STXBP5L: variants seen among roughly 807,000 people sequenced by gnomAD.
The protein encoded by STXBP5L is syntaxin binding protein 5L, also known as syntaxin-binding protein 5-like.
In STXBP5L, 65 loss-of-function variants were observed where a neutral mutation model predicts 144.5. The observed-to-expected ratio is 0.45, with a 90% CI of 0.37 to 0.55. The LOEUF (loss-of-function observed/expected upper bound fraction) is 0.55, where lower values mean the gene tolerates loss of function less well. STXBP5L is among the 20% of genes least tolerant of loss of function. The pLI is 0.00. For synonymous variants in STXBP5L, 505 were observed against 469.6 expected (o/e 1.08, Z -0.97); for missense variants, 1,298 against 1,405.5 (o/e 0.92, Z 1.22).
At chr3:121,383,304 T>G (rs2046359633) in intron 22 of STXBP5L, among the ~76,000 whole-genome samples, 1 of 151,708 alleles carries the variant, frequency 6.6e-6, no homozygotes, top group African/African-American at 2.4e-5. Flanking sequence ...CCAGGCATGG[T>G]GTGTGTGTGC....
intron 5 of STXBP5L, among the ~76,000 whole-genome samples, chr3:121,076,354 G>T (rs539320413): frequency 6.6e-6 from 1 of 152,230 alleles, no homozygotes; most frequent in East Asian, 1.9e-4. Flanking sequence ...GTGCATAGGG[G>T]GGTGGACTTT....
intron 18 of STXBP5L, among the ~76,000 whole-genome samples, chr3:121,273,139 A>G (rs2050778162): frequency 6.6e-6 from 1 of 152,098 alleles, no homozygotes; most frequent in Non-Finnish European, 1.5e-5. Context: ...GTTACTAATT[A>G]ACACCCTTCC....
At chr3:120,968,498 G>C (rs1212693884) in intron 3 of STXBP5L, among the ~76,000 whole-genome samples, 1 of 152,022 alleles carries the variant, frequency 6.6e-6, no homozygotes, top group East Asian at 1.9e-4. Flanking sequence ...GTCTATACTG[G>C]TAAATAGAGT....
chr3:120,971,261 G>A (rs1940213333), intron 3 of STXBP5L, among the ~76,000 whole-genome samples: 1 of 151,944 alleles, frequency 6.6e-6, no homozygotes, highest in South Asian at 2.1e-4. Flanking sequence ...AATTTTTCAA[G>A]TGCAATTTTG....
chr3:121,353,480 A>G (rs981351265), intron 20 of STXBP5L, among the ~76,000 whole-genome samples: 2 of 152,100 alleles, frequency 1.3e-5, no homozygotes, highest in Non-Finnish European at 1.5e-5. Context: ...AGAGGTGTTT[A>G]TAGTATTCTC....
chr3:120,936,726 C>T (rs1245791303), intron 2 of STXBP5L, among the ~76,000 whole-genome samples: 1 of 152,088 alleles, frequency 6.6e-6, no homozygotes, highest in Admixed American at 6.5e-5. Context: ...TCTCCTGCCT[C>T]AGCCTCCCAA....
chr3:121,395,742 A>G (rs1276176141), intron 22 of STXBP5L, among the ~76,000 whole-genome samples: 1 of 152,214 alleles, frequency 6.6e-6, no homozygotes, highest in Non-Finnish European at 1.5e-5. Context: ...TATCATAGCT[A>G]CCATTAAATT....
intron 20 of STXBP5L, among the ~76,000 whole-genome samples, chr3:121,341,984 T>A (rs192448558): frequency 8.2e-4 from 124 of 152,100 alleles, no homozygotes; most frequent in African/African-American, 2.7e-3. Context: ...ATAACTTAAA[T>A]AATATAATTG....
chr3:121,068,930 T>C (rs1206615473), intron 5 of STXBP5L, among the ~76,000 whole-genome samples: 1 of 152,192 alleles, frequency 6.6e-6, no homozygotes, highest in East Asian at 1.9e-4. Context: ...TGCAGATTTG[T>C]AGGAAGTTGC....
At chr3:121,399,246 T>C (rs780889508) in intron 22 of STXBP5L, among the ~76,000 whole-genome samples, 1 of 152,150 alleles carries the variant, frequency 6.6e-6, no homozygotes, top group Non-Finnish European at 1.5e-5. Flanking sequence ...GAGCTCCCCT[T>C]CTTACTCACC....
intron 5 of STXBP5L, among the ~76,000 whole-genome samples, chr3:121,076,068 A>G (rs1330822787): frequency 1.3e-5 from 2 of 152,176 alleles, no homozygotes; most frequent in African/African-American, 4.8e-5. Flanking sequence ...GATCAGTAGT[A>G]GAGAAGGGCT....
intron 3 of STXBP5L, among the ~76,000 whole-genome samples, chr3:120,962,124 T>C (rs78619588): frequency 0.099 from 15,049 of 152,176 alleles, 1,158 homozygotes; most frequent in Admixed American, 0.2. Context: ...TGGGGTTGTT[T>C]GTTTTTTTCT....
At chr3:121,153,889 T>C (rs533099384) in intron 8 of STXBP5L, among the ~76,000 whole-genome samples, 2 of 152,022 alleles carry the variant, frequency 1.3e-5, no homozygotes, top group East Asian at 3.9e-4. Flanking sequence ...TTTCCTTTTG[T>C]TATACAAATC....
At chr3:121,359,277 T>C (rs914894484) in intron 20 of STXBP5L, among the ~76,000 whole-genome samples, 2 of 152,178 alleles carry the variant, frequency 1.3e-5, no homozygotes, top group Non-Finnish European at 2.9e-5. Context: ...TATTCAAATA[T>C]TTTGCCCATC....
At chr3:120,914,271 A>C (rs1708995102) in intron 2 of STXBP5L, among the ~76,000 whole-genome samples, 1 of 152,060 alleles carries the variant, frequency 6.6e-6, no homozygotes, top group Non-Finnish European at 1.5e-5. Flanking sequence ...ATATTACCAG[A>C]ACCAGATGAC....
At chr3:121,308,487 A>G (rs1269989345) in intron 19 of STXBP5L, among the ~76,000 whole-genome samples, 1 of 152,216 alleles carries the variant, frequency 6.6e-6, no homozygotes, top group African/African-American at 2.4e-5. Context: ...CTATGTAATT[A>G]TGAAAGAGTA....
chr3:121,052,442 T>A (rs1446556983), intron 5 of STXBP5L, among the ~76,000 whole-genome samples: 1 of 152,150 alleles, frequency 6.6e-6, no homozygotes, highest in East Asian at 1.9e-4. Context: ...TGGTTCAATA[T>A]ACGCAAATCA....
At chr3:120,958,753 C>T (rs1425102080) in intron 3 of STXBP5L, among the ~76,000 whole-genome samples, 1 of 152,170 alleles carries the variant, frequency 6.6e-6, no homozygotes, top group Non-Finnish European at 1.5e-5. Context: ...TGGGACGTAT[C>T]TCTAAATAAT....
Position 120,993,373 on chromosome 3 carries a change from T to G in STXBP5L, c.287+38336T>G, listed in dbSNP as rs563264892. On this transcript the variant is annotated intron_variant, in intron 3 of 26. Transcript: ENST00000471454. The stretch of plus-strand genomic sequence containing the variant: ...CGTATGCTTTTACAGTCTTTCTTAA[T>G]AAATCATTTCTTATACCATGTACTG... 2.0e-5 allele frequency among the ~76,000 whole-genome samples: 3 copies of G among 152,138 alleles called. No individual in the cohort carries two copies. The East Asian group carries it at 5.8e-4, about 29-fold the overall frequency.
Sources: allele counts gnomAD v4.1 joint callset (sites outside exome capture counted in the v4.1 genomes callset), GRCh38; gene constraint gnomAD v4.1.1; transcripts MANE v1.5; gene names NCBI Gene and HGNC (gene_info 2026-07-23, HGNC 2026-07-21).